ZFAT: variants seen among roughly 807,000 people sequenced by gnomAD.
The protein encoded by ZFAT is zinc finger protein ZFAT.
ZFAT carries 64 observed loss-of-function variants against 117.7 expected under a neutral mutation model. The observed-to-expected ratio is 0.54, with a 90% CI of 0.44 to 0.67. The LOEUF (loss-of-function observed/expected upper bound fraction) is 0.67, where lower values mean the gene tolerates loss of function less well. ZFAT is among the 30% of genes least tolerant of loss of function. The pLI is 0.00. For synonymous variants in ZFAT, 679 were observed against 615.0 expected (o/e 1.10, Z -1.54); for missense variants, 1,433 against 1,584.5 (o/e 0.90, Z 1.62).
chr8:134,668,835 A>G (rs1357273281), intron 1 of ZFAT, among the ~76,000 whole-genome samples: 2 of 152,260 alleles, frequency 1.3e-5, no homozygotes, highest in African/African-American at 4.8e-5. Flanking sequence ...AACCCATCAC[A>G]AAGAAGCTAA....
At chr8:134,687,637 A>G (rs1228975636) in intron 1 of ZFAT, among the ~76,000 whole-genome samples, 1 of 151,962 alleles carries the variant, frequency 6.6e-6, no homozygotes, top group Non-Finnish European at 1.5e-5. Context: ...CCCGCTGCAG[A>G]CCCTGGACAC....
intron 10 of ZFAT, among the ~76,000 whole-genome samples, chr8:134,577,710 C>A (rs1423454972): frequency 1.3e-5 from 2 of 152,046 alleles, no homozygotes; most frequent in Non-Finnish European, 2.9e-5. Context: ...AGCTTACAAT[C>A]TAGTGGAAGA....
intron 15 of ZFAT, among the ~76,000 whole-genome samples, chr8:134,499,920 G>A (rs917340657): frequency 3.9e-5 from 6 of 152,200 alleles, no homozygotes; most frequent in Non-Finnish European, 7.3e-5. Context: ...TGGATAGGAG[G>A]AGTAGGAAGG....
At chr8:134,537,660 T>C (rs753526169) in intron 11 of ZFAT, among the ~76,000 whole-genome samples, 5 of 152,286 alleles carry the variant, frequency 3.3e-5, no homozygotes, top group Admixed American at 6.5e-5. Context: ...TCACTCTGGA[T>C]ACCTGGAAGT....
At chr8:134,668,474 C>T (rs1411002102) in intron 1 of ZFAT, among the ~76,000 whole-genome samples, 1 of 152,230 alleles carries the variant, frequency 6.6e-6, no homozygotes, top group Non-Finnish European at 1.5e-5. Context: ...GCTTCCGCTG[C>T]TAATACCCAG....
At chr8:134,576,315 G>C (rs1262640187) in intron 10 of ZFAT, among the ~76,000 whole-genome samples, 1 of 152,190 alleles carries the variant, frequency 6.6e-6, no homozygotes, top group Non-Finnish European at 1.5e-5. Flanking sequence ...AACACCAACA[G>C]GGTGAACCTA....
In ZFAT at chr8:134,563,416, C is replaced by T. The variant is rs368953261; in HGVS notation, c.2976+1917G>A. On this transcript the variant is annotated intron_variant, in intron 11 of 15. Transcript: ENST00000377838. ...TTCTTCACTTCCTGGATATTGAAGG[C>T]GTACCAGCAGATCCCTCCGAGCCTC... 1.4e-4 allele frequency among the ~76,000 whole-genome samples: 21 copies of T among 152,282 alleles called. No individual in the cohort carries two copies. The South Asian group carries it at 3.5e-3, about 26-fold the overall frequency.
At chr8:134,575,453 G>A (rs1386583082) in intron 10 of ZFAT, among the ~76,000 whole-genome samples, 1 of 152,204 alleles carries the variant, frequency 6.6e-6, no homozygotes, top group African/African-American at 2.4e-5. Flanking sequence ...ATAAGCCACA[G>A]GATGCAGAGA....
intron 1 of ZFAT, among the ~76,000 whole-genome samples, chr8:134,658,676 C>A (rs1159711004): frequency 1.3e-5 from 2 of 152,088 alleles, no homozygotes; most frequent in Non-Finnish European, 2.9e-5. Context: ...TAGGTATATA[C>A]AAAATATTAA....
chr8:134,503,441 CA>C (rs953464801), intron 15 of ZFAT, among the ~76,000 whole-genome samples: 1 of 152,206 alleles, frequency 6.6e-6, no homozygotes, highest in Non-Finnish European at 1.5e-5. Context: ...ACTGACAAAA[CA>C]GACACTCATA....
chr8:134,712,731 C>T (rs1175101731), intron 1 of ZFAT, 114 bp downstream of exon 1: 55 of 952,640 alleles, frequency 5.8e-5, no homozygotes, highest in Non-Finnish European at 7.5e-5. Context: ...GGCCGGCGGC[C>T]GGCGGCCGGC....
In ZFAT at chr8:134,478,657, G is replaced by A; in HGVS notation, c.3557C>T (p.Ser1186Phe). ...GTGGTGCTGCTCGGCAAGCTCCACG[G>A]ACGCTTGCTGGACCGTCTCCTGGAT... ...VMIQETVQQASVELAEQHHLV... is the reference protein window; with the variant it reads ...VMIQETVQQAFVELAEQHHLV... The change falls in exon 16 of 16, where the codon TCC becomes TTC. Residue 1186 changes from serine to phenylalanine, a missense_variant. By Grantham distance (155) the Ser-to-Phe change is radical. Around this residue, in one of 5 missense-constraint regions of ZFAT, gnomAD observed 503 missense variants for 543.4 expected, o/e 0.93. Coordinates refer to ENST00000377838, the MANE Select transcript of ZFAT (RefSeq NM_020863.4). This position sits in a 1 kb window ranked among gnomAD's most constrained non-coding sequence, Gnocchi z 5.2. 1 of 1,582,916 alleles carries A rather than the reference G, an allele frequency of 6.3e-7. No individual in the cohort carries two copies. The highest frequency in any genetic ancestry group is 8.6e-7 in the Non-Finnish European group (1 of 1,165,052).
chr8:134,508,532 A>T (rs1170920725), intron 15 of ZFAT, among the ~76,000 whole-genome samples: 1 of 152,168 alleles, frequency 6.6e-6, no homozygotes, highest in Non-Finnish European at 1.5e-5. Context: ...CTCTCCTCGG[A>T]TGTCAGAGAT....
intron 1 of ZFAT, among the ~76,000 whole-genome samples, chr8:134,687,893 G>T (rs1423131726): frequency 6.6e-6 from 1 of 152,306 alleles, no homozygotes; most frequent in East Asian, 1.9e-4. Flanking sequence ...CGTGGGGCAG[G>T]CCTGCCTCTC....
At chr8:134,696,555 T>C (rs1187246366) in intron 1 of ZFAT, 9 of 985,878 alleles carry the variant, frequency 9.1e-6, no homozygotes, top group Non-Finnish European at 1.1e-5. Flanking sequence ...ACTCCTGCAC[T>C]CTCCCAGGAA....
intron 1 of ZFAT, among the ~76,000 whole-genome samples, chr8:134,679,103 TA>T (rs1832941227): frequency 6.6e-6 from 1 of 152,124 alleles, no homozygotes; most frequent in Non-Finnish European, 1.5e-5. Flanking sequence ...CTAATTAAAC[TA>T]AAGACCTTCT....
chr8:134,583,424 G>A (rs1356649695), intron 10 of ZFAT, among the ~76,000 whole-genome samples: 5 of 152,160 alleles, frequency 3.3e-5, no homozygotes, highest in Non-Finnish European at 4.4e-5. Flanking sequence ...AGGTAGCTTG[G>A]ATGATAAGAG....
At chr8:134,609,126 T>C (rs11992096) in intron 4 of ZFAT, among the ~76,000 whole-genome samples, 43,141 of 151,762 alleles carry the variant, frequency 0.28, 6,513 homozygotes, top group Non-Finnish European at 0.34. Flanking sequence ...TATTTTCACT[T>C]GATCTACTTA....
At chr8:134,599,541 G>A in intron 7 of ZFAT, 3 of 328,048 alleles carry the variant, frequency 9.1e-6, no homozygotes, top group South Asian at 7.0e-5. Flanking sequence ...GACAGTGTTT[G>A]AATCCAGGTA....
Sources: allele counts gnomAD v4.1 joint callset (sites outside exome capture counted in the v4.1 genomes callset), GRCh38; gene constraint gnomAD v4.1.1; regional missense constraint gnomAD v4.1.1; non-coding constraint Gnocchi (gnomAD v3.1); transcripts MANE v1.5; gene names NCBI Gene and HGNC (gene_info 2026-07-23, HGNC 2026-07-21).